Variants in CNTN4 observed in about 807,000 individuals in gnomAD.
The protein encoded by CNTN4 is contactin-4.
CNTN4 carries 77 observed loss-of-function variants against 122.5 expected under a neutral mutation model. The observed-to-expected ratio is 0.63, with a 90% CI of 0.52 to 0.76. The LOEUF is 0.76. Among genes scored for constraint, CNTN4 ranks in the 30% least tolerant of loss-of-function variants. CNTN4 has a pLI of 0.00. For synonymous variants in CNTN4, 512 were observed against 447.0 expected, an observed-to-expected ratio of 1.15 and a Z score of -1.83; for missense variants, 1,256 against 1,259.1, an observed-to-expected ratio of 1.00 and a Z score of 0.04.
chr3:2,864,861 T>C (rs1298640837), intron 7 of CNTN4, among the ~76,000 whole-genome samples: 1 of 101,342 alleles, frequency 9.9e-6, no homozygotes, highest in East Asian at 3.2e-4. Context: ...GAGGTGCTAA[T>C]TTATACTTAA....
intron 4 of CNTN4, among the ~76,000 whole-genome samples, chr3:2,661,737 A>G (rs1396693009): frequency 6.8e-6 from 1 of 146,944 alleles, no homozygotes; most frequent in Non-Finnish European, 1.5e-5. Flanking sequence ...GCTTCAACCC[A>G]GGAGGCAGAG....
At chr3:2,857,746 C>T (rs1412744644) in intron 7 of CNTN4, among the ~76,000 whole-genome samples, 2 of 152,136 alleles carry the variant, frequency 1.3e-5, no homozygotes, top group African/African-American at 2.4e-5. Context: ...ACCACCATAC[C>T]CAGCTAATTT....
At chr3:2,580,761 G>T (rs2079898699) in intron 4 of CNTN4, among the ~76,000 whole-genome samples, 2 of 152,054 alleles carry the variant, frequency 1.3e-5, no homozygotes, top group Admixed American at 1.3e-4. Flanking sequence ...AAAGTTATTG[G>T]GCATTTATAT....
intron 4 of CNTN4, among the ~76,000 whole-genome samples, chr3:2,627,141 T>C (rs1367240425): frequency 6.6e-6 from 1 of 152,172 alleles, no homozygotes; most frequent in Non-Finnish European, 1.5e-5. Context: ...CTTTTAGTGC[T>C]GAAACCAAGC....
intron 14 of CNTN4, among the ~76,000 whole-genome samples, chr3:3,010,612 G>T (rs1697135718): frequency 6.6e-6 from 1 of 152,038 alleles, no homozygotes; most frequent in South Asian, 2.1e-4. Context: ...GATTATTTTT[G>T]TTATTTTGTT....
At chr3:2,657,926 G>C (rs2083671440) in intron 4 of CNTN4, among the ~76,000 whole-genome samples, 1 of 150,806 alleles carries the variant, frequency 6.6e-6, no homozygotes, top group Admixed American at 6.6e-5. Flanking sequence ...AATTATTCCG[G>C]CTTGTTCTGA....
At chr3:3,005,620 G>T (rs1418406606) in intron 14 of CNTN4, among the ~76,000 whole-genome samples, 3 of 152,188 alleles carry the variant, frequency 2.0e-5, no homozygotes, top group Non-Finnish European at 4.4e-5. Flanking sequence ...CAGATCCAGG[G>T]TCTGGCTAGG....
At chr3:3,039,961 C>A in intron 19 of CNTN4, 76 bp from the exon 20 acceptor site, 1 of 988,248 alleles carries the variant, frequency 1.0e-6, no homozygotes, top group Non-Finnish European at 1.6e-6. Context: ...AAGAATGTTA[C>A]AAGGGAAACA....
intron 4 of CNTN4, among the ~76,000 whole-genome samples, chr3:2,580,684 G>T (rs985768014): frequency 6.6e-6 from 1 of 152,106 alleles, no homozygotes. Context: ...TAAAGTATTT[G>T]CTTAACAGTC....
At chr3:3,049,662 A>G (rs534270292) in intron 23 of CNTN4, among the ~76,000 whole-genome samples, 4 of 152,312 alleles carry the variant, frequency 2.6e-5, no homozygotes, top group South Asian at 2.1e-4. Flanking sequence ...AGTGGACAGG[A>G]GAGATGTATT....
intron 2 of CNTN4, among the ~76,000 whole-genome samples, chr3:2,318,744 A>C (rs181265716): frequency 1.6e-3 from 249 of 152,178 alleles, no homozygotes; most frequent in African/African-American, 5.8e-3. Context: ...GGCTCAAGGG[A>C]TCCTCCTGCC....
chr3:2,698,163 A>G (rs2149241280), intron 4 of CNTN4, among the ~76,000 whole-genome samples: 1 of 152,320 alleles, frequency 6.6e-6, no homozygotes, highest in East Asian at 1.9e-4. Flanking sequence ...TAGTCAGGAG[A>G]GGTTGTCAAG....
chr3:2,637,681 CTCCTATAAA>C (rs1473521758), intron 4 of CNTN4, among the ~76,000 whole-genome samples: 1 of 152,128 alleles, frequency 6.6e-6, no homozygotes, highest in East Asian at 1.9e-4. Flanking sequence ...GCTTATTCAA[CTCCTATAAA>C]TCCTATAAAG....
intron 6 of CNTN4, among the ~76,000 whole-genome samples, chr3:2,796,470 G>A (rs760984746): frequency 1.1e-4 from 16 of 151,922 alleles, no homozygotes; most frequent in Admixed American, 2.0e-4. Context: ...TCTATGGTAC[G>A]GTTTTTAATG....
chr3:2,679,061 A>G (rs2085026809), intron 4 of CNTN4, among the ~76,000 whole-genome samples: 1 of 152,212 alleles, frequency 6.6e-6, no homozygotes, highest in Non-Finnish European at 1.5e-5. Context: ...AAATAAACAC[A>G]AAACAGGACA....
At chr3:2,447,505 C>G (rs1468683456) in intron 3 of CNTN4, among the ~76,000 whole-genome samples, 1 of 151,908 alleles carries the variant, frequency 6.6e-6, no homozygotes, top group African/African-American at 2.4e-5. Context: ...ATTTTATGTG[C>G]TTGTTTATTC....
intron 6 of CNTN4, among the ~76,000 whole-genome samples, chr3:2,806,120 G>A (rs188637231): frequency 6.6e-6 from 1 of 152,032 alleles, no homozygotes; most frequent in Non-Finnish European, 1.5e-5. Context: ...CCAGGATGGT[G>A]TCGATCTCCT....
intron 3 of CNTN4, among the ~76,000 whole-genome samples, chr3:2,448,322 A>C (rs902634646): frequency 1.3e-5 from 2 of 152,192 alleles, no homozygotes; most frequent in Non-Finnish European, 2.9e-5. Context: ...GTTGCCTTAA[A>C]AGCAAGTATA....
chr3:2,130,412 C>T (rs998349896), intron 2 of CNTN4, among the ~76,000 whole-genome samples: 1 of 152,084 alleles, frequency 6.6e-6, no homozygotes, highest in African/African-American at 2.4e-5. Flanking sequence ...AACAGCAAAC[C>T]TGTGAGAAAC....
Sources: allele counts gnomAD v4.1 joint callset (sites outside exome capture counted in the v4.1 genomes callset), GRCh38; gene constraint gnomAD v4.1.1; transcripts MANE v1.5; gene names NCBI Gene and HGNC (gene_info 2026-07-23, HGNC 2026-07-21).